Variants in BIN3 observed in about 807,000 individuals in gnomAD.
The protein encoded by BIN3 is bridging integrator 3.
Under a neutral mutation model 38.2 loss-of-function variants are expected in BIN3, and 41 were observed. The observed-to-expected ratio is 1.07, with a 90% CI of 0.84 to 1.39. BIN3 has a LOEUF of 1.39. Ranked by LOEUF, BIN3 falls within the 40% of genes most tolerant of loss-of-function variation. The pLI is 0.00. For synonymous variants in BIN3, 145 were observed against 122.6 expected (o/e 1.18, Z -1.21); for missense variants, 361 against 324.3 (o/e 1.11, Z -0.87).
intron 2 of BIN3, among the ~76,000 whole-genome samples, chr8:22,638,621 AAC>A (rs1447330484): frequency 6.6e-6 from 1 of 152,218 alleles, no homozygotes; most frequent in African/African-American, 2.4e-5. Flanking sequence ...GAGAGAGTTG[AAC>A]ACAGAGTCTG....
intron 2 of BIN3, among the ~76,000 whole-genome samples, chr8:22,643,398 A>G (rs975720473): frequency 1.3e-5 from 2 of 152,164 alleles, no homozygotes; most frequent in African/African-American, 4.8e-5. Context: ...TGGTGCAATC[A>G]GAGCTCACTG....
chr8:22,643,120 C>T (rs550998186), intron 2 of BIN3, among the ~76,000 whole-genome samples: 1 of 152,226 alleles, frequency 6.6e-6, no homozygotes, highest in Non-Finnish European at 1.5e-5. Context: ...CCTCTTGAAA[C>T]CACTTCCCTT....
At chr8:22,645,340 G>A (rs1354718590) in intron 1 of BIN3, among the ~76,000 whole-genome samples, 1 of 151,926 alleles carries the variant, frequency 6.6e-6, no homozygotes, top group African/African-American at 2.4e-5. Context: ...AAATTAGCCG[G>A]GCGTGGTGGC....
intron 1 of BIN3, among the ~76,000 whole-genome samples, chr8:22,647,321 C>T (rs1013036820): frequency 6.6e-6 from 1 of 152,120 alleles, no homozygotes; most frequent in Non-Finnish European, 1.5e-5. Flanking sequence ...TTTAGTATCA[C>T]GGTATTTTTA....
chr8:22,630,164 G>A (rs530196989), intron 5 of BIN3, among the ~76,000 whole-genome samples, 160 bp from the exon 6 acceptor site: 7 of 152,374 alleles, frequency 4.6e-5, no homozygotes, highest in African/African-American at 1.7e-4. Flanking sequence ...CCGGGTGGCT[G>A]GCCACAGAAG....
chr8:22,623,874 G>T, intron 8 of BIN3, 41 bp downstream of exon 8: 1 of 1,601,720 alleles, frequency 6.2e-7, no homozygotes. Context: ...GGCATGAGCT[G>T]TGTATACCAA....
At chr8:22,624,426 T>C (rs1375554825) in intron 6 of BIN3, 63 bp from the exon 7 acceptor site, 2 of 1,577,672 alleles carry the variant, frequency 1.3e-6, no homozygotes, top group South Asian at 2.3e-5. Flanking sequence ...TGGAGATGGG[T>C]CTGCTCTTGG....
At chr8:22,641,897 C>T (rs762670014) in intron 2 of BIN3, among the ~76,000 whole-genome samples, 6 of 152,128 alleles carry the variant, frequency 3.9e-5, no homozygotes, top group African/African-American at 1.4e-4. Flanking sequence ...ACGATGCTCC[C>T]GCCACTTTAT....
At position 22,663,554 on chromosome 8, in the gene BIN3, T is replaced by C. The variant is rs1034036105; in HGVS notation, c.8+5490A>G. Reference sequence around the variant, plus strand: ...CTGCCAAAATAATCTGACTAAATCATTGCTTTGGCCATGCCACTTCCCTGC... The same window carrying C: ...CTGCCAAAATAATCTGACTAAATCACTGCTTTGGCCATGCCACTTCCCTGC... On this transcript the variant is annotated intron_variant, in intron 1 of 8. Coordinates refer to ENST00000276416, the MANE Select transcript of BIN3 (RefSeq NM_018688.6). Among the ~76,000 whole-genome samples, 71 of 152,128 alleles carry C rather than the reference T, an allele frequency of 4.7e-4. 1 individual carries two copies. The highest frequency in any genetic ancestry group is 4.6e-3 in the Admixed American group (70 of 15,288).
chr8:22,644,584 A>G, intron 2 of BIN3, 171 bp downstream of exon 2: 1 of 626,328 alleles, frequency 1.6e-6, no homozygotes. Context: ...CCAGGACAGG[A>G]GGCCCCTCTA....
intron 5 of BIN3, 126 bp from the exon 6 acceptor site, chr8:22,630,130 G>A (rs1223549755): frequency 6.2e-6 from 7 of 1,126,072 alleles, no homozygotes; most frequent in Non-Finnish European, 9.1e-6. Flanking sequence ...CTTGTCCTGG[G>A]CCTGGCTTTG....
intron 1 of BIN3, among the ~76,000 whole-genome samples, chr8:22,646,518 G>A (rs1802718825): frequency 6.6e-6 from 1 of 152,182 alleles, no homozygotes; most frequent in Non-Finnish European, 1.5e-5. Flanking sequence ...ATCCAGTGGA[G>A]GGGATGGGCC....
chr8:22,639,861 CTT>C lies in BIN3; in HGVS notation c.58-2901_58-2900del, dbSNP rs11388602. On this transcript the variant is annotated intron_variant, in intron 2 of 8. Coordinates refer to ENST00000276416, the MANE Select transcript of BIN3 (RefSeq NM_018688.6). ...GCCCTAGCTCCCTTTACTAGACACACTTTTTTTTTTTTCTTTTGAGGCGGAGT... is the reference window on the plus strand; with the variant it reads ...GCCCTAGCTCCCTTTACTAGACACACTTTTTTTTTTCTTTTGAGGCGGAGT... 2.5e-3 allele frequency among the ~76,000 whole-genome samples: 375 copies of C among 148,520 alleles called. 5 individuals carry two copies. The highest frequency in any genetic ancestry group is 5.2e-4 in the Non-Finnish European group (35 of 66,946).
At chr8:22,659,596 C>G (rs966403390) in intron 1 of BIN3, among the ~76,000 whole-genome samples, 2 of 152,218 alleles carry the variant, frequency 1.3e-5, no homozygotes, top group African/African-American at 4.8e-5. Flanking sequence ...TCTGCACAGG[C>G]ACTGCTGATA....
chr8:22,668,851 C>A (rs536340288), intron 1 of BIN3, among the ~76,000 whole-genome samples, 193 bp downstream of exon 1: 1 of 152,348 alleles, frequency 6.6e-6, no homozygotes, highest in East Asian at 1.9e-4. Context: ...CCACTCTCCC[C>A]GGGAGTCCTG....
intron 6 of BIN3, 117 bp from the exon 7 acceptor site, chr8:22,624,480 C>T: frequency 7.2e-7 from 1 of 1,380,398 alleles, no homozygotes; most frequent in Admixed American, 2.2e-5. Context: ...GGAGGGGCGT[C>T]CTGGCCAGCA....
chr8:22,649,495 G>A (rs1470068710), intron 1 of BIN3, among the ~76,000 whole-genome samples: 2 of 152,124 alleles, frequency 1.3e-5, no homozygotes, highest in Non-Finnish European at 2.9e-5. Flanking sequence ...GGAGGAAAAG[G>A]AGAGGGAAAA....
At chr8:22,634,527 T>C (rs1271607545) in intron 4 of BIN3, 1 of 455,902 alleles carries the variant, frequency 2.2e-6, no homozygotes, top group Non-Finnish European at 4.4e-6. Flanking sequence ...GCTTAGGAGC[T>C]GGCATAAAAT....
chr8:22,653,024 TA>T (rs777736969), intron 1 of BIN3, among the ~76,000 whole-genome samples: 1 of 152,236 alleles, frequency 6.6e-6, no homozygotes, highest in African/African-American at 2.4e-5. Flanking sequence ...AGGATTGTTG[TA>T]AAATTTAGAA....
Sources: gnomAD v4.1 joint callset for allele counts (sites outside exome capture counted in the v4.1 genomes callset) on GRCh38, gnomAD v4.1.1 for gene constraint, MANE v1.5 for transcripts, NCBI Gene and HGNC (gene_info 2026-07-23, HGNC 2026-07-21) for gene names.